Variants in COX20 observed in about 807,000 individuals in gnomAD.
The protein encoded by COX20 is cytochrome c oxidase assembly factor COX20.
COX20 carries 14 observed loss-of-function variants against 14.3 expected under a neutral mutation model. The observed-to-expected ratio is 0.98, with a 90% CI of 0.65 to 1.53. The LOEUF is 1.53. Ranked by LOEUF, COX20 falls within the 40% of genes most tolerant of loss-of-function variation. COX20 has a pLI of 0.00. For missense variants in COX20, 149 were observed against 142.1 expected (o/e 1.05, Z -0.25); for synonymous variants, 56 against 51.7 (o/e 1.08, Z -0.36).
chr1:244,844,241 A>C lies in COX20; in HGVS notation c.*1065A>C, dbSNP rs1327828967. 6.6e-6 allele frequency: 1 copy of C among 152,140 alleles called. No individual in the cohort carries two copies. The allele number at this position is 152,140 out of a possible 1,614,324, so 9.4% of individuals were successfully genotyped here. A position where few individuals can be genotyped will look rare whatever the true frequency, so the allele number is the denominator to read the frequency against. On this transcript the variant is annotated 3_prime_UTR_variant, in exon 4 of 4. Coordinates refer to ENST00000411948, the MANE Select transcript of COX20 (RefSeq NM_198076.6). Reference sequence around the variant, plus strand: ...TGCCTCCAGTTCAATTCACAAGAGCATTTTCCCTCCCATGCCCACCTTTTC... The same window carrying C: ...TGCCTCCAGTTCAATTCACAAGAGCCTTTTCCCTCCCATGCCCACCTTTTC...
Position 244,842,202 on chromosome 1 carries a change from T to A in COX20, c.165T>A (p.Ile55=). ...TTATGCTTATTTTTACAGGTAGAATTAGAAGATCATGTGATGTTGGAGTAG... is the reference window on the plus strand; with the variant it reads ...TTATGCTTATTTTTACAGGTAGAATAAGAAGATCATGTGATGTTGGAGTAG... ...GFGHFLFTSR[I]RRSCDVGVGG... The change falls in exon 3 of 4, where the codon ATT becomes ATA. Residue 55 remains isoleucine (I), a synonymous_variant. Transcript: ENST00000411948. The A allele has an allele frequency of 1.2e-6, 2 of 1,604,200 alleles. No individual in the cohort carries two copies. Among genetic ancestry groups the A allele is most frequent in the Non-Finnish European group, 8.5e-7 (1 of 1,171,310 alleles).
chr1:244,842,523 T>G (rs1680248532), intron 3 of COX20: 1 of 429,360 alleles, frequency 2.3e-6, no homozygotes, highest in Non-Finnish European at 4.2e-6. Flanking sequence ...ACTTATTTCA[T>G]CCCTGCTTAT....
At chr1:244,839,018 G>A (rs576713759) in intron 1 of COX20, among the ~76,000 whole-genome samples, 41 of 152,246 alleles carry the variant, frequency 2.7e-4, no homozygotes, top group Middle Eastern at 6.8e-3. Context: ...TCGAACTTCC[G>A]ACCTCAAGTG....
intron 1 of COX20, chr1:244,836,471 C>G: frequency 6.5e-7 from 1 of 1,549,796 alleles, no homozygotes; most frequent in Non-Finnish European, 8.7e-7. Context: ...TACGTACTTT[C>G]CCCATCTTCC....
intron 3 of COX20, chr1:244,842,480 T>A: frequency 1.9e-6 from 1 of 514,832 alleles, no homozygotes; most frequent in Non-Finnish European, 3.5e-6. Context: ...ACACTTCACT[T>A]AGGAAAGCCT....
chr1:244,843,948 G>A lies in COX20; in HGVS notation c.*772G>A, dbSNP rs1186545114. The A allele has an allele frequency of 6.6e-6, 1 of 152,150 alleles. No homozygotes were observed. The highest frequency in any genetic ancestry group is 1.5e-5 in the Non-Finnish European group (1 of 68,028). The allele number at this position is 152,150 out of a possible 1,614,324, so 9.4% of individuals were successfully genotyped here. On this transcript the variant is annotated 3_prime_UTR_variant, in exon 4 of 4. Coordinates refer to ENST00000411948, the MANE Select transcript of COX20 (RefSeq NM_198076.6). ...TAAATCCTCAGGATTTATTCTCCGGGAGAAATTATCCCTTTCTAGGAAAAT... is the reference window on the plus strand; with the variant it reads ...TAAATCCTCAGGATTTATTCTCCGGAAGAAATTATCCCTTTCTAGGAAAAT...
In COX20 at chr1:244,835,728, C is replaced by A; in HGVS notation, c.14C>A (p.Pro5Gln). Residue 5 changes from proline (P) to glutamine (Q), a missense_variant, in exon 1 of 4, where the codon CCG becomes CAG. Physicochemically the swap from Pro to Gln is moderately conservative, Grantham distance 76. Transcript: ENST00000411948. MAAP[P>Q]EPGEPEERKS... Reference sequence around the variant, plus strand: ...GGAGTAGTCCTCATGGCCGCCCCGCCGGAGCCCGGTGAGCCCGAGGAGAGG... The same window carrying A: ...GGAGTAGTCCTCATGGCCGCCCCGCAGGAGCCCGGTGAGCCCGAGGAGAGG... 2 of 1,264,360 alleles carry A rather than the reference C, an allele frequency of 1.6e-6. No individual in the cohort carries two copies. The highest frequency in any genetic ancestry group is 5.8e-5 in the South Asian group (2 of 34,526). The allele number at this position is 1,264,360 out of a possible 1,614,324, so 78.3% of individuals were successfully genotyped here.
rs2102978753 is a variant in COX20 at position 244,844,749 on chromosome 1, A to AG, written c.*1574dup. ...CATTGCACTCTAGCCTAGGTGACAG[A>AG]GTGAGACTCCATCTCAAAAAAAAAA... On this transcript the variant is annotated 3_prime_UTR_variant, in exon 4 of 4. Transcript: ENST00000411948. The AG allele has an allele frequency of 6.6e-6, 1 of 151,366 alleles. No homozygotes were observed. The highest frequency in any genetic ancestry group is 2.4e-5 in the African/African-American group (1 of 41,188). The allele number at this position is 151,366 out of a possible 1,614,324, so 9.4% of individuals were successfully genotyped here.
chr1:244,840,496 T>C (rs557361304), intron 1 of COX20: 3 of 152,348 alleles, frequency 2.0e-5, no homozygotes, highest in South Asian at 2.1e-4. Context: ...CTCAAGCTGA[T>C]AGGAAAAAGT....
At chr1:244,836,644 A>G in intron 1 of COX20, 2 of 814,624 alleles carry the variant, frequency 2.5e-6, no homozygotes, top group East Asian at 2.7e-5. Flanking sequence ...AAAGTTTAAT[A>G]TAAACTAGGG....
At chr1:244,835,509 G>T (rs3737858), upstream of COX20, 1 of 388,868 alleles carries the variant, frequency 2.6e-6, no homozygotes, top group African/African-American at 2.1e-5. Flanking sequence ...AGTGTGACCC[G>T]TTCGACGGAA....
rs745589300 is a variant in COX20, at chr1:244,841,938, TTCTAGTCCC to T, written c.43-4_47del. On this transcript the variant is annotated splice_acceptor_variant and splice_polypyrimidine_tract_variant and coding_sequence_variant and intron_variant, in exon 2 of 4. Coordinates refer to ENST00000411948, the MANE Select transcript of COX20 (RefSeq NM_198076.6). LOFTEE classifies it high-confidence loss of function. Reference sequence around the variant, plus strand: ...ACTCAATCTAGGTTCTTTTTTTTCATTCTAGTCCCTTAAGCTCCTAGGATTTTTAGATGT... The same window carrying T: ...ACTCAATCTAGGTTCTTTTTTTTCATTTAAGCTCCTAGGATTTTTAGATGT... The T allele has an allele frequency of 1.9e-6, 3 of 1,559,416 alleles. No homozygotes were observed.
At position 244,843,181 on chromosome 1, in the gene COX20, T is replaced by C; in HGVS notation, c.*5T>C. On this transcript the variant is annotated 3_prime_UTR_variant, in exon 4 of 4. Transcript: ENST00000411948. The stretch of plus-strand genomic sequence containing the variant: ...AACGGCAGCAGCAGCAATTGAACAA[T>C]CTTGAGCATAGAAGTCAATGTAAAC... The C allele has an allele frequency of 6.4e-7, 1 of 1,570,088 alleles. No individual in the cohort carries two copies. Among genetic ancestry groups the C allele is most frequent in the Non-Finnish European group, 8.6e-7 (1 of 1,166,338 alleles).
chr1:244,836,419 C>A, intron 1 of COX20: 1 of 1,391,948 alleles, frequency 7.2e-7, no homozygotes, highest in Non-Finnish European at 1.0e-6. Context: ...CTAAACCAAG[C>A]GCTCTCCCTG....
In COX20 at chr1:244,843,310, G is replaced by A. The variant is rs1680290474; in HGVS notation, c.*134G>A. On this transcript the variant is annotated 3_prime_UTR_variant, in exon 4 of 4. Transcript: ENST00000411948. Reference sequence around the variant, plus strand: ...TTTTTTTCCCACACTTGTGTGGAATGAAAACTTGCCAGTTTATTCTGGCCC... The same window carrying A: ...TTTTTTTCCCACACTTGTGTGGAATAAAAACTTGCCAGTTTATTCTGGCCC... 9.5e-7 allele frequency: 1 copy of A among 1,047,572 alleles called. No individual in the cohort carries two copies. The highest frequency in any genetic ancestry group is 2.8e-5 in the East Asian group (1 of 36,032). The allele number at this position is 1,047,572 out of a possible 1,614,324, so 64.9% of individuals were successfully genotyped here. A position where few individuals can be genotyped will look rare whatever the true frequency, so the allele number is the denominator to read the frequency against.
chr1:244,842,378 T>A, intron 3 of COX20, 120 bp downstream of exon 3: 1 of 741,748 alleles, frequency 1.3e-6, no homozygotes, highest in Non-Finnish European at 2.4e-6. Context: ...TGAAGAATCT[T>A]GATTTTTCAG....
At chr1:244,836,604 G>C (rs1275502255) in intron 1 of COX20, 10 of 1,229,676 alleles carry the variant, frequency 8.1e-6, no homozygotes, top group Non-Finnish European at 1.0e-5. Context: ...GGCAGAACAG[G>C]TATTCAGAAA....
At position 244,840,574 on chromosome 1, in the gene COX20, A is replaced by C. The variant is rs1263259280; in HGVS notation, c.43-1370A>C. On this transcript the variant is annotated intron_variant, in intron 1 of 3. Transcript: ENST00000411948. ...GAACTGTACTGCAAAGCTTTGAAGC[A>C]ATCCTATGTTAGGCATGCGGGTGGG... is the stretch of plus-strand genomic sequence containing the variant. 2.0e-5 allele frequency: 3 copies of C among 151,720 alleles called. No homozygotes were observed. The East Asian group carries it at 5.8e-4, about 30-fold the overall frequency. The allele number at this position is 151,720 out of a possible 1,614,324, so 9.4% of individuals were successfully genotyped here.
rs187324889 is a variant in COX20, at chr1:244,842,190, T to G, written c.158-5T>G. 7.5e-6 allele frequency: 12 copies of G among 1,593,786 alleles called. No homozygotes were observed. The highest frequency in any genetic ancestry group is 1.3e-5 in the African/African-American group (1 of 74,438). On this transcript the variant is annotated splice_polypyrimidine_tract_variant and splice_region_variant and intron_variant, in intron 2 of 3. Coordinates refer to ENST00000411948, the MANE Select transcript of COX20 (RefSeq NM_198076.6). ...TCTAATTAATTGTTATGCTTATTTTTACAGGTAGAATTAGAAGATCATGTG... is the reference window on the plus strand; with the variant it reads ...TCTAATTAATTGTTATGCTTATTTTGACAGGTAGAATTAGAAGATCATGTG...
Sources: allele counts gnomAD v4.1 joint callset (sites outside exome capture counted in the v4.1 genomes callset), GRCh38; gene constraint gnomAD v4.1.1; transcripts MANE v1.5; gene names NCBI Gene and HGNC (gene_info 2026-07-23, HGNC 2026-07-21).